The following SOX5 variants were observed in gnomAD, a reference collection of about 807,000 sequenced individuals.
SOX5 encodes SRY-box transcription factor 5, also known as transcription factor SOX-5.
A neutral mutation model predicts 92.0 loss-of-function variants in SOX5; 9 were observed. That is an observed-to-expected ratio of 0.10 (90% CI 0.06 to 0.17). SOX5 has a LOEUF of 0.17. Ranked by LOEUF, SOX5 falls within the 10% of genes least tolerant of loss-of-function variation. The pLI is 1.00. For missense variants in SOX5, 642 were observed against 944.5 expected, an observed-to-expected ratio of 0.68 and a Z score of 4.20; for synonymous variants, 344 against 336.3, an observed-to-expected ratio of 1.02 and a Z score of -0.25.
chr12:24,219,516 A>G (rs954630954), intron 3 of SOX5, among the ~76,000 whole-genome samples: 1 of 152,088 alleles, frequency 6.6e-6, no homozygotes, highest in Non-Finnish European at 1.5e-5. Flanking sequence ...ACTTCTATCT[A>G]TTTAATCTTT....
Position 23,674,433 on chromosome 12 carries a change from G to T in SOX5, c.811-8869C>A, listed in dbSNP as rs1333540351. ...GCTCTCTGCAACCTCCGCCTCCCGG[G>T]TTCAAGCAATTCTCCTTCCTCAGCC... On this transcript the variant is annotated intron_variant, in intron 6 of 14. Coordinates refer to ENST00000451604, the MANE Select transcript of SOX5 (RefSeq NM_006940.6). Among the ~76,000 whole-genome samples the T allele has an allele frequency of 3.2e-4, 45 of 139,732 alleles. 1 individual carries two copies. Among genetic ancestry groups the T allele is most frequent in the Non-Finnish European group, 1.5e-5 (1 of 66,174 alleles). The allele number at this position is 139,732 out of a possible 152,430, so 91.7% of individuals were successfully genotyped here.
At chr12:24,559,007 C>T (rs1159945851) in intron 1 of SOX5, among the ~76,000 whole-genome samples, 2 of 152,078 alleles carry the variant, frequency 1.3e-5, no homozygotes, top group African/African-American at 4.8e-5. Flanking sequence ...AGTTTCAGAT[C>T]CCAAATCATT....
chr12:24,388,195 A>G (rs761319494), intron 1 of SOX5, among the ~76,000 whole-genome samples: 1 of 152,196 alleles, frequency 6.6e-6, no homozygotes, highest in Admixed American at 6.5e-5. Context: ...GGTAACACAT[A>G]TAATTCTAAT....
intron 4 of SOX5, among the ~76,000 whole-genome samples, chr12:24,040,883 C>A (rs115394839): frequency 0.017 from 2,459 of 147,786 alleles, 62 homozygotes; most frequent in South Asian, 0.063. Context: ...AAGGAAAAAA[C>A]AAAAAAAAAA....
At chr12:24,182,427 A>G (rs2139297817) in intron 4 of SOX5, among the ~76,000 whole-genome samples, 1 of 152,356 alleles carries the variant, frequency 6.6e-6, no homozygotes, top group East Asian at 1.9e-4. Context: ...AAAGCTGTAA[A>G]GCAAAATGAT....
intron 6 of SOX5, among the ~76,000 whole-genome samples, chr12:23,709,780 T>C (rs983197756): frequency 6.6e-6 from 1 of 152,196 alleles, no homozygotes; most frequent in Non-Finnish European, 1.5e-5. Flanking sequence ...TACATCAGGA[T>C]AGGAAATGTT....
intron 4 of SOX5, among the ~76,000 whole-genome samples, chr12:24,094,915 C>A (rs1210824218): frequency 1.3e-5 from 2 of 151,968 alleles, no homozygotes; most frequent in African/African-American, 4.8e-5. Context: ...CAAGTCATGC[C>A]CAAATTTGTC....
intron 1 of SOX5, among the ~76,000 whole-genome samples, chr12:24,486,289 C>T (rs1400933754): frequency 4.6e-5 from 7 of 152,142 alleles, no homozygotes; most frequent in Admixed American, 4.6e-4. Flanking sequence ...AACCTGAAGA[C>T]TTACAAGTAA....
At chr12:24,257,158 G>A (rs372323882) in intron 3 of SOX5, among the ~76,000 whole-genome samples, 5 of 152,168 alleles carry the variant, frequency 3.3e-5, no homozygotes, top group African/African-American at 1.2e-4. Flanking sequence ...TTTCTTTCCT[G>A]CAAAGAAGGG....
At chr12:24,216,644 C>G (rs1420487364) in intron 3 of SOX5, among the ~76,000 whole-genome samples, 1 of 151,994 alleles carries the variant, frequency 6.6e-6, no homozygotes, top group Non-Finnish European at 1.5e-5. Flanking sequence ...GACATGAGCT[C>G]GGGTGCGGTG....
At chr12:23,622,898 T>TA (rs1352559198) in intron 8 of SOX5, among the ~76,000 whole-genome samples, 1 of 152,070 alleles carries the variant, frequency 6.6e-6, no homozygotes. Context: ...CCATTAAAAA[T>TA]AAAAAACAAA....
chr12:24,369,631 C>T (rs1956523392), intron 1 of SOX5, among the ~76,000 whole-genome samples: 1 of 152,210 alleles, frequency 6.6e-6, no homozygotes, highest in South Asian at 2.1e-4. Context: ...TAATCTGTCT[C>T]CTTTTCTTAA....
intron 9 of SOX5, among the ~76,000 whole-genome samples, chr12:23,593,863 GGAGA>G (rs200042978): frequency 6.6e-6 from 1 of 150,846 alleles, no homozygotes; most frequent in African/African-American, 2.4e-5. Flanking sequence ...AGAGAAAAAA[GGAGA>G]GAGAGAGAGA....
chr12:24,018,281 A>G (rs964355411), intron 4 of SOX5, among the ~76,000 whole-genome samples: 42 of 152,108 alleles, frequency 2.8e-4, no homozygotes, highest in African/African-American at 9.7e-4. Context: ...CTGTTTTATC[A>G]TTTGCTTAGA....
intron 1 of SOX5, among the ~76,000 whole-genome samples, chr12:24,519,096 A>G (rs979130422): frequency 1.3e-5 from 2 of 152,160 alleles, no homozygotes; most frequent in Admixed American, 6.5e-5. Flanking sequence ...TGAGAACGGT[A>G]TGGCATCCTA....
At chr12:23,695,940 CAAAAAAAA>C (rs71059917) in intron 6 of SOX5, among the ~76,000 whole-genome samples, 3 of 11,926 alleles carry the variant, frequency 2.5e-4, no homozygotes, top group African/African-American at 5.4e-4. Context: ...GACTCTGTCT[CAAAAAAAA>C]AAAAAAAAAA....
At chr12:24,536,194 T>C (rs1597714575) in intron 1 of SOX5, among the ~76,000 whole-genome samples, 1 of 152,214 alleles carries the variant, frequency 6.6e-6, no homozygotes, top group Non-Finnish European at 1.5e-5. Flanking sequence ...TCAGGTGAGC[T>C]TGCAATAAGG....
intron 4 of SOX5, among the ~76,000 whole-genome samples, chr12:24,032,368 TTTAGTTCCTGAA>T (rs1955599151): frequency 6.6e-6 from 1 of 151,864 alleles, no homozygotes; most frequent in Admixed American, 6.6e-5. Context: ...TCTAACTGAA[TTTAGTTCCTGAA>T]AACATCAGTA....
At chr12:23,997,206 T>A (rs1224840454) in intron 4 of SOX5, among the ~76,000 whole-genome samples, 3 of 152,182 alleles carry the variant, frequency 2.0e-5, no homozygotes, top group Non-Finnish European at 4.4e-5. Context: ...TTGAGCAGTT[T>A]CCACCCACCT....
Sources: allele counts gnomAD v4.1 joint callset (sites outside exome capture counted in the v4.1 genomes callset), GRCh38; gene constraint gnomAD v4.1.1; transcripts MANE v1.5; gene names NCBI Gene and HGNC (gene_info 2026-07-23, HGNC 2026-07-21).